Variants in U2SURP observed in about 807,000 individuals in gnomAD.
The protein encoded by U2SURP is U2 snRNP-associated SURP motif-containing protein.
Under a neutral mutation model 144.9 loss-of-function variants are expected in U2SURP, and 9 were observed. The ratio of observed to expected loss-of-function variants is 0.06; its 90% CI spans 0.04 to 0.11. The LOEUF is 0.11. Ranked by LOEUF, U2SURP falls within the 10% of genes least tolerant of loss-of-function variation. U2SURP has a pLI of 1.00. For missense variants in U2SURP, 724 were observed against 1,226.7 expected (o/e 0.59, Z 6.12); for synonymous variants, 408 against 396.8 (o/e 1.03, Z -0.33).
At chr3:143,025,516 T>G (rs1044026179) in intron 13 of U2SURP, among the ~76,000 whole-genome samples, 6 of 152,174 alleles carry the variant, frequency 3.9e-5, no homozygotes, top group Non-Finnish European at 7.4e-5. Flanking sequence ...TCCCTTAGCT[T>G]TAATTTGGCT....
chr3:143,011,998 C>G (rs1345382345), intron 2 of U2SURP: 5 of 654,276 alleles, frequency 7.6e-6, no homozygotes, highest in Non-Finnish European at 1.4e-5. Context: ...AGGAAAACAA[C>G]TGTTACCAAT....
chr3:143,028,224 G>A, intron 14 of U2SURP, 116 bp from the exon 15 acceptor site: 1 of 1,226,564 alleles, frequency 8.2e-7, no homozygotes, highest in Non-Finnish European at 1.1e-6. Context: ...AGGGATCTTT[G>A]TTTTTGTTTT....
chr3:143,011,283 T>C (rs1267931171), intron 2 of U2SURP, among the ~76,000 whole-genome samples: 1 of 152,162 alleles, frequency 6.6e-6, no homozygotes, highest in Admixed American at 6.5e-5. Context: ...TTGTTTGTTA[T>C]TTCTTTGTTG....
chr3:143,053,632 T>C (rs1181843930), intron 25 of U2SURP, 44 bp from the exon 26 acceptor site: 7 of 1,124,690 alleles, frequency 6.2e-6, no homozygotes, highest in African/African-American at 3.2e-5. Context: ...TTAACCCACA[T>C]TGATATTTTT....
chr3:143,035,179 T>C (rs1056327630), intron 19 of U2SURP, among the ~76,000 whole-genome samples: 2 of 152,236 alleles, frequency 1.3e-5, no homozygotes, highest in Admixed American at 6.5e-5. Context: ...GGTTTAATTT[T>C]AGTTTTAAAT....
chr3:143,056,111 A>G (rs1406798472), intron 27 of U2SURP, among the ~76,000 whole-genome samples: 2 of 152,176 alleles, frequency 1.3e-5, no homozygotes, highest in African/African-American at 2.4e-5. Flanking sequence ...TCTACTGATG[A>G]TCATTGATGC....
intron 18 of U2SURP, chr3:143,034,387 A>G (rs1367961982): frequency 6.7e-6 from 1 of 150,078 alleles, no homozygotes; most frequent in East Asian, 1.9e-4. Flanking sequence ...TTGGGTGACG[A>G]GCAAAACTCC....
At position 143,021,350 on chromosome 3, in the gene U2SURP, T is replaced by G. The variant is rs1357550221; in HGVS notation, c.734T>G (p.Met245Arg). 1.9e-6 allele frequency: 3 copies of G among 1,593,664 alleles called. No homozygotes were observed. The highest frequency in any genetic ancestry group is 2.6e-6 in the Non-Finnish European group (3 of 1,168,740). Residue 245 changes from methionine (M) to arginine (R), a missense_variant and splice_region_variant, in exon 9 of 28, where the codon ATG becomes AGG. Coordinates refer to ENST00000473835, the MANE Select transcript of U2SURP (RefSeq NM_001080415.2). Reference protein sequence around the residue: ...QSDSDGQRRSMDAPSRRNRSS... With the variant: ...QSDSDGQRRSRDAPSRRNRSS... Reference sequence around the variant, plus strand: ...ATTGTCTTCTTTTCTCCCCTTTAAGTGGACGCGCCTTCAAGAAGAAATAGA... The same window carrying G: ...ATTGTCTTCTTTTCTCCCCTTTAAGGGGACGCGCCTTCAAGAAGAAATAGA...
At chr3:143,036,175 T>C (rs1257848640) in intron 20 of U2SURP, 71 bp downstream of exon 20, 1 of 1,469,150 alleles carries the variant, frequency 6.8e-7, no homozygotes, top group Admixed American at 2.4e-5. Flanking sequence ...GGAGTTGTTC[T>C]GTGTTACATA....
At chr3:143,014,456 CTAAGGGGTTAG>C (rs1364802145) in intron 4 of U2SURP, 47 bp downstream of exon 4, 1 of 1,326,472 alleles carries the variant, frequency 7.5e-7, no homozygotes, top group Non-Finnish European at 1.1e-6. Flanking sequence ...ATGAATGTGT[CTAAGGGGTTAG>C]TAAGTGTATT....
At chr3:143,007,656 TG>T (rs1293067787) in intron 1 of U2SURP, among the ~76,000 whole-genome samples, 4 of 152,106 alleles carry the variant, frequency 2.6e-5, no homozygotes, top group Non-Finnish European at 4.4e-5. Context: ...TTAGCCAGGA[TG>T]GTCTTGATCT....
intron 24 of U2SURP, among the ~76,000 whole-genome samples, chr3:143,047,519 C>T (rs1252620292): frequency 5.7e-4 from 20 of 34,818 alleles, no homozygotes; most frequent in Admixed American, 1.3e-3. Context: ...CCAGTAGGGG[C>T]GGCCGGGCAG....
intron 3 of U2SURP, 97 bp downstream of exon 3, chr3:143,012,450 T>A (rs1382818029): frequency 3.2e-5 from 39 of 1,235,860 alleles, no homozygotes; most frequent in Non-Finnish European, 4.0e-5. Flanking sequence ...TGGTTTTGTA[T>A]GTGTTTCATC....
Position 143,036,049 on chromosome 3 carries a change from A to G in U2SURP, c.2009A>G (p.Lys670Arg), listed in dbSNP as rs1933793234. 9.3e-6 allele frequency: 15 copies of G among 1,611,784 alleles called. No homozygotes were observed. The highest frequency in any genetic ancestry group is 1.3e-5 in the Non-Finnish European group (15 of 1,179,152). The change falls in exon 20 of 28, where the codon AAA becomes AGA. Residue 670 changes from lysine to arginine, a missense_variant. Lys to Arg is a conservative substitution (Grantham distance 26). Transcript: ENST00000473835. ...ATTTATCCAGAACCATTTTTGATCA[A>G]ACTACAAAATATTTTCTTAGGACTT... ...WAIYPEPFLI[K>R]LQNIFLGLVN...
At position 143,041,590 on chromosome 3, in the gene U2SURP, G is replaced by T. The variant is rs193000137; in HGVS notation, c.2385-1527G>T. Among the ~76,000 whole-genome samples, 5 of 151,996 alleles carry T rather than the reference G, an allele frequency of 3.3e-5. No individual in the cohort carries two copies. The East Asian group carries it at 9.6e-4, about 29-fold the overall frequency. ...TCAGTACCATATCTTTTCTGATTCT[G>T]AATTGACAGCCTTTCTTTTTATCTG... On this transcript the variant is annotated intron_variant, in intron 23 of 27. Transcript: ENST00000473835.
intron 24 of U2SURP, 94 bp from the exon 25 acceptor site, chr3:143,050,845 A>G (rs1934820949): frequency 1.3e-6 from 1 of 782,670 alleles, no homozygotes; most frequent in Admixed American, 2.6e-5. Context: ...CTGAGTACTA[A>G]TTAGTTACTA....
chr3:143,039,971 G>A (rs1306618801), intron 23 of U2SURP, among the ~76,000 whole-genome samples: 1 of 151,886 alleles, frequency 6.6e-6, no homozygotes, highest in Non-Finnish European at 1.5e-5. Context: ...ATCTGAGGCT[G>A]TTTAGGAATA....
rs543606229 is a variant in U2SURP at position 143,039,574 on chromosome 3, T to C, written c.2384+614T>C. On this transcript the variant is annotated intron_variant, in intron 23 of 27. Transcript: ENST00000473835. Reference sequence around the variant, plus strand: ...GTTTTTAGGAAGTTCTTGACACTTTTTAAAATCATTGCAAAGGGAGTTGAA... The same window carrying C: ...GTTTTTAGGAAGTTCTTGACACTTTCTAAAATCATTGCAAAGGGAGTTGAA... 9.2e-4 allele frequency among the ~76,000 whole-genome samples: 139 copies of C among 150,988 alleles called. 1 individual carries two copies. The highest frequency in any genetic ancestry group is 3.2e-3 in the African/African-American group (132 of 41,118).
At chr3:143,016,794 GA>G (rs1936391163) in intron 5 of U2SURP, 47 bp from the exon 6 acceptor site, 7 of 1,449,342 alleles carry the variant, frequency 4.8e-6, no homozygotes, top group Non-Finnish European at 6.4e-6. Flanking sequence ...AAACAGTAAA[GA>G]AAAATATTGC....
Sources: allele counts gnomAD v4.1 joint callset (sites outside exome capture counted in the v4.1 genomes callset), GRCh38; gene constraint gnomAD v4.1.1; transcripts MANE v1.5; gene names NCBI Gene and HGNC (gene_info 2026-07-23, HGNC 2026-07-21).